Variants in EYS observed in about 807,000 individuals in gnomAD.
EYS encodes protein eyes shut homolog.
A neutral mutation model predicts 282.1 loss-of-function variants in EYS; 250 were observed. The observed-to-expected ratio is 0.89, with a 90% CI of 0.80 to 0.98. The LOEUF (loss-of-function observed/expected upper bound fraction) is 0.98. EYS is among the 50% of genes least tolerant of loss of function. The pLI is 0.00. For synonymous variants in EYS, 1,355 were observed against 1,282.9 expected (o/e 1.06, Z -1.20); for missense variants, 4,016 against 3,709.0 (o/e 1.08, Z -2.15).
chr6:65,559,479 G>A (rs187771787), intron 2 of EYS, among the ~76,000 whole-genome samples: 1 of 152,278 alleles, frequency 6.6e-6, no homozygotes, highest in Non-Finnish European at 1.5e-5. Context: ...TGCAGGTACA[G>A]AAATGATTGC....
At chr6:64,280,522 G>A (rs1048497467) in intron 30 of EYS, among the ~76,000 whole-genome samples, 2 of 152,002 alleles carry the variant, frequency 1.3e-5, no homozygotes, top group Admixed American at 6.6e-5. Flanking sequence ...TCTAAATCAC[G>A]TGCTAAAGAA....
At chr6:64,369,680 G>A (rs1180895476) in intron 29 of EYS, among the ~76,000 whole-genome samples, 2 of 151,928 alleles carry the variant, frequency 1.3e-5, no homozygotes, top group African/African-American at 4.8e-5. Context: ...AAATAGCCAC[G>A]ATATCCCTGT....
rs183625160 is a variant in EYS at position 65,594,253 on chromosome 6, T to C, written c.-333+45525A>G. On this transcript the variant is annotated intron_variant, in intron 2 of 42. Coordinates refer to ENST00000503581, the MANE Select transcript of EYS (RefSeq NM_001142800.2). ...TCATTTTCACCTCACAATATCCCTG[T>C]GAGATGAGAACACTTATTGCTGTAA... Among the ~76,000 whole-genome samples the C allele has an allele frequency of 4.6e-4, 70 of 152,128 alleles. 1 individual carries two copies. In the East Asian group the frequency reaches 0.014, roughly 30 times the overall value.
intron 22 of EYS, among the ~76,000 whole-genome samples, chr6:64,643,792 C>A (rs1301047733): frequency 6.6e-6 from 1 of 152,220 alleles, no homozygotes; most frequent in Non-Finnish European, 1.5e-5. Flanking sequence ...CTGCTGCCAT[C>A]CACGTAAGAC....
At chr6:65,034,832 GGAGA>G (rs1362786201) in intron 13 of EYS, among the ~76,000 whole-genome samples, 2 of 152,018 alleles carry the variant, frequency 1.3e-5, no homozygotes, top group African/African-American at 4.8e-5. Context: ...AAAAATTTGA[GGAGA>G]AAGGACCCCT....
chr6:64,737,727 G>A (rs1772228440), intron 22 of EYS, among the ~76,000 whole-genome samples: 1 of 152,116 alleles, frequency 6.6e-6, no homozygotes, highest in East Asian at 1.9e-4. Flanking sequence ...GAATTCTTGT[G>A]GATCCACAAC....
chr6:64,236,528 A>G (rs998768237), intron 30 of EYS, among the ~76,000 whole-genome samples: 1 of 152,158 alleles, frequency 6.6e-6, no homozygotes, highest in African/African-American at 2.4e-5. Context: ...TCACCGTTTT[A>G]CATTTCTGCC....
At chr6:65,371,958 G>C (rs1245273072) in intron 8 of EYS, among the ~76,000 whole-genome samples, 1 of 149,438 alleles carries the variant, frequency 6.7e-6, no homozygotes, top group Non-Finnish European at 1.5e-5. Context: ...CTTCCAGCGT[G>C]AGTTTACATA....
At chr6:64,083,215 C>CT (rs1429126007) in intron 31 of EYS, among the ~76,000 whole-genome samples, 75 of 152,152 alleles carry the variant, frequency 4.9e-4, no homozygotes, top group Non-Finnish European at 4.7e-4. Context: ...AGCCAACTTT[C>CT]TTTTTTGTCT....
intron 1 of EYS, among the ~76,000 whole-genome samples, chr6:65,655,123 G>A (rs1767775132): frequency 6.6e-6 from 1 of 151,110 alleles, no homozygotes. Flanking sequence ...TTAATTTTGT[G>A]TAATACAAAT....
intron 26 of EYS, among the ~76,000 whole-genome samples, chr6:64,474,966 G>A (rs148756835): frequency 2.3e-3 from 357 of 152,322 alleles, no homozygotes; most frequent in African/African-American, 8.0e-3. Context: ...TTGAAGCTGA[G>A]CTGATTCTCC....
rs145518086 is a variant in EYS, at chr6:64,348,404, G to A, written c.6078+40286C>T. 4.8e-3 allele frequency among the ~76,000 whole-genome samples: 343 copies of A among 71,244 alleles called. 2 individuals carry two copies. Among genetic ancestry groups the A allele is most frequent in the African/African-American group, 0.018 (330 of 18,440 alleles). 46.7% of individuals were successfully genotyped at this position (71,244 alleles called of 152,430 possible). On this transcript the variant is annotated intron_variant, in intron 29 of 42. Coordinates refer to ENST00000503581, the MANE Select transcript of EYS (RefSeq NM_001142800.2). ...CTGTTTGGAAGAAAGCATTATGCAA[G>A]CTGAGCTCAGTTCTTTTCTTTCTCC...
intron 29 of EYS, among the ~76,000 whole-genome samples, chr6:64,355,307 A>G (rs762313346): frequency 6.6e-6 from 1 of 151,544 alleles, no homozygotes; most frequent in Non-Finnish European, 1.5e-5. Context: ...CTGCTTAGCT[A>G]TGTGGCTTCC....
chr6:64,733,064 A>G (rs1472082885), intron 22 of EYS: 2 of 152,370 alleles, frequency 1.3e-5, no homozygotes, highest in African/African-American at 4.8e-5. Flanking sequence ...TGGCATCACC[A>G]GATAGGACTC....
chr6:64,809,762 G>T (rs796898657), intron 22 of EYS, among the ~76,000 whole-genome samples: 4 of 151,914 alleles, frequency 2.6e-5, no homozygotes, highest in African/African-American at 9.7e-5. Context: ...ATAAGTGGGA[G>T]CTAAACATTG....
intron 12 of EYS, among the ~76,000 whole-genome samples, chr6:65,059,901 A>C (rs1773520177): frequency 6.6e-6 from 1 of 152,076 alleles, no homozygotes; most frequent in African/African-American, 2.4e-5. Context: ...TACTCTTCTA[A>C]ATTTCTGGTG....
rs1294464407 is a variant in EYS at position 64,089,129 on chromosome 6, T to TA, written c.6425-7128dup. Among the ~76,000 whole-genome samples, 11 of 152,026 alleles carry TA rather than the reference T, an allele frequency of 7.2e-5. No homozygotes were observed. The East Asian group carries it at 1.9e-3, about 27-fold the overall frequency. ...CGTACAAACTCTGTGACGAAGTTTA[T>TA]AAAAAAGAAGGTGACTGAAATGATG... On this transcript the variant is annotated intron_variant, in intron 31 of 42. Transcript: ENST00000503581.
intron 13 of EYS, among the ~76,000 whole-genome samples, chr6:65,022,680 A>G (rs148762186): frequency 1.3e-5 from 2 of 149,034 alleles, no homozygotes; most frequent in East Asian, 3.9e-4. Context: ...AACTAAATAT[A>G]TTATATATTA....
chr6:64,775,106 G>A (rs188724271), intron 22 of EYS, among the ~76,000 whole-genome samples: 5 of 152,016 alleles, frequency 3.3e-5, no homozygotes, highest in Non-Finnish European at 2.9e-5. Context: ...GCAGGAGGGG[G>A]TAACTGCTGA....
Sources: gnomAD v4.1 joint callset for allele counts (sites outside exome capture counted in the v4.1 genomes callset) on GRCh38, gnomAD v4.1.1 for gene constraint, MANE v1.5 for transcripts, NCBI Gene and HGNC (gene_info 2026-07-23, HGNC 2026-07-21) for gene names.